Variants in ZNF487 observed in about 807,000 individuals in gnomAD.
ZNF487 encodes the protein KRAB domain only 1.
Under a neutral mutation model 3.0 loss-of-function variants are expected in ZNF487, and 4 were observed. The ratio of observed to expected loss-of-function variants is 1.35; its 90% CI spans 0.66 to 3.08. ZNF487 has a LOEUF of 3.08. Among genes scored for constraint, ZNF487 ranks in the 30% most tolerant of loss-of-function variants. ZNF487 has a pLI of 0.01. For missense variants in ZNF487, 146 were observed against 98.7 expected (o/e 1.48, Z -2.03); for synonymous variants, 55 against 34.6 (o/e 1.59, Z -2.06).
chr10:43,498,866 T>C, the ZNF487 span, among the ~76,000 whole-genome samples: 1 of 148,618 alleles, frequency 6.7e-6, no homozygotes, highest in Non-Finnish European at 1.5e-5. Flanking sequence ...GGCGTGAACC[T>C]GGGAGGTGGA....
chr10:43,450,195 C>T (rs11818610), intron 1 of ZNF487, among the ~76,000 whole-genome samples: 4,252 of 152,034 alleles, frequency 0.028, 95 homozygotes, highest in South Asian at 0.041. Flanking sequence ...TGGCATGTGC[C>T]ACCACACCCG....
At chr10:43,485,110 T>G (rs1841461337), downstream of ZNF487, among the ~76,000 whole-genome samples, 1 of 152,190 alleles carries the variant, frequency 6.6e-6, no homozygotes, top group Non-Finnish European at 1.5e-5. Context: ...ACCTCCTCTT[T>G]CCCAGCATTA....
chr10:43,439,005 G>A (rs955908927), intron 1 of ZNF487, among the ~76,000 whole-genome samples: 2 of 152,262 alleles, frequency 1.3e-5, no homozygotes, highest in Middle Eastern at 3.4e-3. Context: ...ACTTTGGGAG[G>A]TCGAGGTGGG....
At chr10:43,493,703 AAAAAAAATATATATAT>A in the ZNF487 span, among the ~76,000 whole-genome samples, 7 of 86,354 alleles carry the variant, frequency 8.1e-5, 1 homozygote, top group African/African-American at 3.4e-4. Context: ...AAGAAAAAAA[AAAAAAAATATATATAT>A]ATATATATAT....
chr10:43,457,394 AAAAAT>A (rs1436502448), intron 1 of ZNF487, among the ~76,000 whole-genome samples: 2 of 151,304 alleles, frequency 1.3e-5, no homozygotes, highest in Non-Finnish European at 2.9e-5. Context: ...CGTCTCTACT[AAAAAT>A]AAAAAGATAG....
At chr10:43,498,815 G>A in the ZNF487 span, among the ~76,000 whole-genome samples, 1 of 151,350 alleles carries the variant, frequency 6.6e-6, no homozygotes, top group Non-Finnish European at 1.5e-5. Flanking sequence ...AGTGGCGGGC[G>A]CCTGTAGTCC....
At chr10:43,494,506 A>T in the ZNF487 span, among the ~76,000 whole-genome samples, 2 of 151,576 alleles carry the variant, frequency 1.3e-5, no homozygotes, top group East Asian at 3.9e-4. Flanking sequence ...GCTCTTCTCC[A>T]CTCTTCTTAA....
the ZNF487 span, among the ~76,000 whole-genome samples, chr10:43,518,829 G>T: frequency 6.6e-6 from 1 of 152,138 alleles, no homozygotes; most frequent in Non-Finnish European, 1.5e-5. Context: ...CTTAAAGCTT[G>T]TGATTCTCAA....
chr10:43,487,251 T>C (rs1343698256), downstream of ZNF487, among the ~76,000 whole-genome samples: 1 of 151,396 alleles, frequency 6.6e-6, no homozygotes, highest in East Asian at 2.0e-4. Context: ...GCGATTCTCC[T>C]GCCTCAGCCT....
chr10:43,439,872 G>A (rs1488187712), intron 1 of ZNF487, among the ~76,000 whole-genome samples: 2 of 152,100 alleles, frequency 1.3e-5, no homozygotes, highest in African/African-American at 4.8e-5. Context: ...CAGAAAAGTA[G>A]AATGGTGGTT....
At chr10:43,504,645 AC>A in the ZNF487 span, among the ~76,000 whole-genome samples, 1 of 151,460 alleles carries the variant, frequency 6.6e-6, no homozygotes, top group East Asian at 2.0e-4. Flanking sequence ...TTATGAAATA[AC>A]TTTTTTAGTG....
chr10:43,474,230 G>C (rs1465730388), intron 1 of ZNF487, among the ~76,000 whole-genome samples: 1 of 151,606 alleles, frequency 6.6e-6, no homozygotes, highest in Non-Finnish European at 1.5e-5. Context: ...GGGAGGCTGA[G>C]GTGGGCCGAG....
chr10:43,446,255 C>T (rs1418418617), intron 1 of ZNF487, among the ~76,000 whole-genome samples: 17 of 151,270 alleles, frequency 1.1e-4, no homozygotes, highest in East Asian at 7.9e-4. Flanking sequence ...ACGTGGCGGC[C>T]AGGCAGAGGC....
downstream of ZNF487, among the ~76,000 whole-genome samples, chr10:43,486,454 AG>A (rs1207520431): frequency 1.1e-4 from 16 of 151,926 alleles, no homozygotes; most frequent in African/African-American, 3.9e-4. Flanking sequence ...TGAACCTGGG[AG>A]GCGGAGGTTG....
At chr10:43,447,271 C>CT (rs1839848007) in intron 1 of ZNF487, among the ~76,000 whole-genome samples, 1 of 62,472 alleles carries the variant, frequency 1.6e-5, no homozygotes, top group African/African-American at 1.4e-4. Flanking sequence ...GAGACAGAGT[C>CT]TCGCTCTGTT....
At chr10:43,443,084 C>T (rs1297386965) in intron 1 of ZNF487, among the ~76,000 whole-genome samples, 1 of 97,424 alleles carries the variant, frequency 1.0e-5, no homozygotes, top group Non-Finnish European at 1.9e-5. Flanking sequence ...TTTTTTGAGA[C>T]AGAGTTTTGC....
chr10:43,463,831 C>CTGT (rs1840535715), intron 1 of ZNF487, among the ~76,000 whole-genome samples: 1 of 149,118 alleles, frequency 6.7e-6, no homozygotes, highest in African/African-American at 2.5e-5. Context: ...TCTGTGATTT[C>CTGT]TGTTATTATT....
At chr10:43,456,611 C>T (rs1403347642) in intron 1 of ZNF487, among the ~76,000 whole-genome samples, 1 of 152,102 alleles carries the variant, frequency 6.6e-6, no homozygotes, top group Non-Finnish European at 1.5e-5. Context: ...GATGGAGTGT[C>T]GCTCTGTCGC....
chr10:43,487,136 ATT>A (rs5784601), downstream of ZNF487, among the ~76,000 whole-genome samples: 319 of 120,588 alleles, frequency 2.6e-3, 1 homozygote, highest in East Asian at 7.2e-3. Flanking sequence ...GTCACTAAGA[ATT>A]TTTTTTTTTT....
Sources: allele counts gnomAD v4.1 joint callset (sites outside exome capture counted in the v4.1 genomes callset), GRCh38; gene constraint gnomAD v4.1.1; transcripts MANE v1.5; gene names NCBI Gene and HGNC (gene_info 2026-07-23, HGNC 2026-07-21).